The following TNPO3 variants were observed in gnomAD, a reference collection of about 807,000 sequenced individuals.
TNPO3 encodes the protein transportin 3.
In TNPO3, 65 loss-of-function variants were observed where a neutral mutation model predicts 122.8. The observed-to-expected ratio is 0.53, with a 90% CI of 0.43 to 0.65. The LOEUF (loss-of-function observed/expected upper bound fraction) is 0.65, where lower values mean the gene tolerates loss of function less well. Ranked by LOEUF, TNPO3 falls within the 30% of genes least tolerant of loss-of-function variation. The pLI is 0.00. For missense variants in TNPO3, 850 were observed against 1,136.7 expected, an observed-to-expected ratio of 0.75 and a Z score of 3.63; for synonymous variants, 372 against 411.2, an observed-to-expected ratio of 0.90 and a Z score of 1.15.
intron 1 of TNPO3, among the ~76,000 whole-genome samples, chr7:129,043,941 T>C (rs188907209): frequency 2.1e-3 from 315 of 152,366 alleles, no homozygotes; most frequent in Admixed American, 6.9e-3. Context: ...CTGGTCTCTA[T>C]TTCTGCCTAC....
At position 129,054,797 on chromosome 7, in the gene TNPO3, C is replaced by T. The variant is rs1397736039; in HGVS notation, c.-27G>A. On this transcript the variant is annotated 5_prime_UTR_variant, in exon 1 of 23. Transcript: ENST00000265388. ...GTGGTGGCGGTAGTGGCGGTAGCGA[C>T]GGCTCTGATTCTTCTCCGGAGGATT... 2 of 1,613,702 alleles carry T rather than the reference C, an allele frequency of 1.2e-6. No homozygotes were observed. Among genetic ancestry groups the T allele is most frequent in the Non-Finnish European group, 1.7e-6 (2 of 1,179,936 alleles).
intron 1 of TNPO3, among the ~76,000 whole-genome samples, chr7:129,048,744 A>C (rs921882818): frequency 6.6e-6 from 1 of 152,264 alleles, no homozygotes; most frequent in Admixed American, 6.5e-5. Flanking sequence ...GAAAAGTGAC[A>C]GCAAAAATAA....
chr7:128,987,546 C>A (rs997248869), intron 11 of TNPO3, among the ~76,000 whole-genome samples: 1 of 152,044 alleles, frequency 6.6e-6, no homozygotes, highest in African/African-American at 2.4e-5. Context: ...TTATAAAAAT[C>A]AGATTTTTTT....
intron 21 of TNPO3, among the ~76,000 whole-genome samples, chr7:128,963,144 T>C (rs1797627903): frequency 6.6e-6 from 1 of 152,240 alleles, no homozygotes. Flanking sequence ...CAAGATCTTC[T>C]TTAGATTTCC....
Position 128,955,212 on chromosome 7 carries a change from C to T in TNPO3, c.*205G>A, listed in dbSNP as rs1259928310. Reference sequence around the variant, plus strand: ...TTTTTAAAATCCGCGCTGATTTTCCCTCACACCCCCAAACAGGAACTCCTC... The same window carrying T: ...TTTTTAAAATCCGCGCTGATTTTCCTTCACACCCCCAAACAGGAACTCCTC... On this transcript the variant is annotated 3_prime_UTR_variant, in exon 23 of 23. Coordinates refer to ENST00000265388, the MANE Select transcript of TNPO3 (RefSeq NM_012470.4). 2.6e-6 allele frequency: 1 copy of T among 390,706 alleles called. No homozygotes were observed. Among genetic ancestry groups the T allele is most frequent in the Non-Finnish European group, 5.0e-6 (1 of 200,104 alleles). The allele number at this position is 390,706 out of a possible 1,614,324, so 24.2% of individuals were successfully genotyped here. A position where few individuals can be genotyped will look rare whatever the true frequency, so the allele number is the denominator to read the frequency against.
At chr7:129,041,501 G>A in intron 1 of TNPO3, 1 of 961,010 alleles carries the variant, frequency 1.0e-6, no homozygotes, top group Non-Finnish European at 1.2e-6. Context: ...GGAAGGGAAG[G>A]AAGAGAATCA....
At chr7:128,978,949 A>C (rs541403180) in intron 16 of TNPO3, 34 bp downstream of exon 16, 1 of 1,611,338 alleles carries the variant, frequency 6.2e-7, no homozygotes, top group South Asian at 1.1e-5. Context: ...AATTCTGTAC[A>C]TGGAACACGT....
At chr7:129,016,123 C>A (rs914110397) in intron 3 of TNPO3, among the ~76,000 whole-genome samples, 8 of 152,052 alleles carry the variant, frequency 5.3e-5, no homozygotes, top group African/African-American at 1.9e-4. Context: ...GTTATCCAAG[C>A]TGGATGAGGT....
At chr7:129,049,584 G>A (rs1205536545) in intron 1 of TNPO3, among the ~76,000 whole-genome samples, 1 of 152,204 alleles carries the variant, frequency 6.6e-6, no homozygotes, top group East Asian at 1.9e-4. Flanking sequence ...TGTTTAAAAT[G>A]ACTAAACTAA....
At chr7:129,006,631 G>C (rs1423654816) in intron 4 of TNPO3, among the ~76,000 whole-genome samples, 1 of 152,224 alleles carries the variant, frequency 6.6e-6, no homozygotes, top group Non-Finnish European at 1.5e-5. Flanking sequence ...GGAGGCATGA[G>C]AGTGGGGGTG....
At chr7:128,976,167 A>G (rs988299405) in intron 16 of TNPO3, among the ~76,000 whole-genome samples, 1 of 152,242 alleles carries the variant, frequency 6.6e-6, no homozygotes, top group African/African-American at 2.4e-5. Flanking sequence ...ACAATGCTGT[A>G]TAAGAGTTAA....
In TNPO3 at chr7:128,997,373, A is replaced by G; in HGVS notation, c.1158+16T>C. Reference sequence around the variant, plus strand: ...GGAAGAAATTAAGATTTGAAGAGGTAGAGAAGGGAACTTACATGGTCTGGT... The same window carrying G: ...GGAAGAAATTAAGATTTGAAGAGGTGGAGAAGGGAACTTACATGGTCTGGT... On this transcript the variant is annotated intron_variant, in intron 8 of 22. Coordinates refer to ENST00000265388, the MANE Select transcript of TNPO3 (RefSeq NM_012470.4). 6.2e-7 allele frequency: 1 copy of G among 1,613,212 alleles called. No individual in the cohort carries two copies. Among genetic ancestry groups the G allele is most frequent in the South Asian group, 1.1e-5 (1 of 90,906 alleles).
At chr7:128,978,316 G>C (rs908036565) in intron 16 of TNPO3, among the ~76,000 whole-genome samples, 38 of 152,184 alleles carry the variant, frequency 2.5e-4, no homozygotes, top group African/African-American at 9.2e-4. Context: ...AGAGACTTCT[G>C]TGGACAACTA....
chr7:128,997,264 G>T, intron 8 of TNPO3, 125 bp downstream of exon 8: 1 of 991,706 alleles, frequency 1.0e-6, no homozygotes, highest in Non-Finnish European at 1.5e-6. Flanking sequence ...CTCCCAAAGT[G>T]CTGGACTACA....
intron 14 of TNPO3, 81 bp from the exon 15 acceptor site, chr7:128,980,112 C>T: frequency 8.3e-7 from 1 of 1,208,616 alleles, no homozygotes; most frequent in South Asian, 1.2e-5. Flanking sequence ...TGCTTGCTTA[C>T]TTAGTATCAT....
chr7:128,986,656 G>C (rs1039801188), intron 12 of TNPO3, 73 bp downstream of exon 12: 17 of 1,394,148 alleles, frequency 1.2e-5, no homozygotes, highest in Non-Finnish European at 1.5e-5. Context: ...GAAAAACTGG[G>C]ATATGACAGA....
rs568639918 is a variant in TNPO3 at position 128,970,413 on chromosome 7, A to AGT, written c.2431-100_2431-99dup. On this transcript the variant is annotated intron_variant, in intron 19 of 22. Transcript: ENST00000265388. ...TTTAGTAATTTCTCTTTAATAGGAA[A>AGT]GTGTGTGTGTGTGTGCACGCGTGGC... 1.0e-3 allele frequency: 1,242 copies of AGT among 1,183,918 alleles called. 3 individuals carry two copies. Among genetic ancestry groups the AGT allele is most frequent in the African/African-American group, 9.8e-3 (636 of 64,936 alleles). The allele number at this position is 1,183,918 out of a possible 1,614,324, so 73.3% of individuals were successfully genotyped here.
Position 128,955,147 on chromosome 7 carries a change from C to A in TNPO3, c.*270G>T. 1 of 301,990 alleles carries A rather than the reference C, an allele frequency of 3.3e-6. No individual in the cohort carries two copies. The highest frequency in any genetic ancestry group is 6.5e-6 in the Non-Finnish European group (1 of 153,180). 18.7% of individuals were successfully genotyped at this position (301,990 alleles called of 1,614,324 possible). ...TCCTTTTAGAAAGTTCACCAGGAAA[C>A]CAGCTCCCCTCCCACCACGCCGGGC... On this transcript the variant is annotated 3_prime_UTR_variant, in exon 23 of 23. Transcript: ENST00000265388.
At chr7:128,967,937 T>A (rs1029766893) in intron 20 of TNPO3, among the ~76,000 whole-genome samples, 1 of 152,084 alleles carries the variant, frequency 6.6e-6, no homozygotes, top group Non-Finnish European at 1.5e-5. Context: ...TTTTTTTTTT[T>A]AAGAGATGAG....
Sources: allele counts gnomAD v4.1 joint callset (sites outside exome capture counted in the v4.1 genomes callset), GRCh38; gene constraint gnomAD v4.1.1; transcripts MANE v1.5; gene names NCBI Gene and HGNC (gene_info 2026-07-23, HGNC 2026-07-21).